The following CNIH3 variants were observed in gnomAD, a reference collection of about 807,000 sequenced individuals.
The protein encoded by CNIH3 is protein cornichon homolog 3.
CNIH3 carries 14 observed loss-of-function variants against 24.1 expected under a neutral mutation model. The ratio of observed to expected loss-of-function variants is 0.58; its 90% confidence interval spans 0.38 to 0.91. The LOEUF (loss-of-function observed/expected upper bound fraction) is 0.91, where lower values mean the gene tolerates loss of function less well. Among genes scored for constraint, CNIH3 ranks in the 40% least tolerant of loss-of-function variants. The pLI is 0.00. For synonymous variants in CNIH3, 68 were observed against 73.8 expected, an observed-to-expected ratio of 0.92 and a Z score of 0.40; for missense variants, 178 against 196.8, an observed-to-expected ratio of 0.90 and a Z score of 0.57.
chr1:224,538,209 A>G (rs1287983919), downstream of CNIH3, among the ~76,000 whole-genome samples: 1 of 152,116 alleles, frequency 6.6e-6, no homozygotes, highest in African/African-American at 2.4e-5. Flanking sequence ...TCAGCCTCCC[A>G]AAGTGCTAGG....
intron 1 of CNIH3, among the ~76,000 whole-genome samples, chr1:224,473,595 G>A (rs1676453344): frequency 6.6e-6 from 1 of 152,084 alleles, no homozygotes; most frequent in African/African-American, 2.4e-5. Flanking sequence ...TCAGCAAGAG[G>A]ATATAACAAT....
chr1:224,439,491 G>C (rs1674801840), intron 1 of CNIH3, among the ~76,000 whole-genome samples: 1 of 151,702 alleles, frequency 6.6e-6, no homozygotes, highest in African/African-American at 2.4e-5. Flanking sequence ...ACACAGCTGG[G>C]ATTAGACTGC....
chr1:224,542,542 A>G (rs1326394860), downstream of CNIH3, among the ~76,000 whole-genome samples: 1 of 152,214 alleles, frequency 6.6e-6, no homozygotes, highest in Non-Finnish European at 1.5e-5. Flanking sequence ...GTAGAAAGAG[A>G]AAGAGTGTAT....
chr1:224,632,452 T>C (rs1298524104), intron 1 of CNIH3, among the ~76,000 whole-genome samples: 1 of 152,106 alleles, frequency 6.6e-6, no homozygotes, highest in Non-Finnish European at 1.5e-5. Context: ...CAGAATCTCA[T>C]TGTTATTGTC....
intron 3 of CNIH3, among the ~76,000 whole-genome samples, chr1:224,562,897 GA>G (rs1249041778): frequency 1.3e-5 from 2 of 152,160 alleles, no homozygotes; most frequent in African/African-American, 4.8e-5. Flanking sequence ...CTGATTAAAA[GA>G]TAACACAAAG....
At chr1:224,488,794 A>ATG (rs34856782) in intron 1 of CNIH3, among the ~76,000 whole-genome samples, 126,200 of 151,906 alleles carry the variant, frequency 0.83, 52,832 homozygotes, top group East Asian at 0.97. Flanking sequence ...TAAATTTTAG[A>ATG]TGTGTTTTTC....
At chr1:224,524,876 A>G (rs1441139971) in intron 2 of CNIH3, among the ~76,000 whole-genome samples, 1 of 152,202 alleles carries the variant, frequency 6.6e-6, no homozygotes, top group Non-Finnish European at 1.5e-5. Context: ...GACTCAGACC[A>G]GGAGCCCAAG....
chr1:224,720,585 GT>G lies in CNIH3; in HGVS notation c.199-9876del, dbSNP rs1688669691. The stretch of plus-strand genomic sequence containing the variant: ...GGAGAGGAGGGCGGAGCTCTCAGCT[GT>G]GCTAAATTCCCATCGAGCTCTAGGC... On this transcript the variant is annotated intron_variant, in intron 3 of 5. Coordinates refer to ENST00000272133, the MANE Select transcript of CNIH3 (RefSeq NM_152495.2). 2.0e-5 allele frequency among the ~76,000 whole-genome samples: 3 copies of G among 152,164 alleles called. No homozygotes were observed. In the South Asian group the frequency reaches 6.2e-4, roughly 31 times the overall value.
At chr1:224,539,600 C>G (rs1679433497), downstream of CNIH3, among the ~76,000 whole-genome samples, 1 of 152,130 alleles carries the variant, frequency 6.6e-6, no homozygotes, top group Non-Finnish European at 1.5e-5. Context: ...GGATTCAGTC[C>G]CAACCTACCC....
intron 1 of CNIH3, among the ~76,000 whole-genome samples, chr1:224,490,789 A>G (rs962080713): frequency 1.9e-4 from 29 of 152,228 alleles, no homozygotes; most frequent in African/African-American, 5.8e-4. Context: ...TGAGCAATGA[A>G]TGATTTGCGA....
chr1:224,568,221 C>G (rs180693355), intron 4 of CNIH3, among the ~76,000 whole-genome samples: 1 of 151,808 alleles, frequency 6.6e-6, no homozygotes. Context: ...ACCAGGGAGT[C>G]GGAGGTTGCA....
intron 1 of CNIH3, among the ~76,000 whole-genome samples, chr1:224,493,800 A>G (rs1677327839): frequency 6.6e-6 from 1 of 152,084 alleles, no homozygotes; most frequent in African/African-American, 2.4e-5. Flanking sequence ...CAGGGGAGAG[A>G]GTGCGATTCC....
intron 1 of CNIH3, among the ~76,000 whole-genome samples, chr1:224,647,503 A>G (rs1379139127): frequency 6.6e-6 from 1 of 152,162 alleles, no homozygotes; most frequent in Non-Finnish European, 1.5e-5. Flanking sequence ...AGAAGCTGGG[A>G]CATCACTCAC....
At chr1:224,459,051 T>C (rs1675797511) in intron 1 of CNIH3, 1 of 223,380 alleles carries the variant, frequency 4.5e-6, no homozygotes, top group Admixed American at 6.5e-5. Flanking sequence ...CTAAATGCCA[T>C]CCCAGGATTG....
At chr1:224,722,942 G>A (rs1688809458) in intron 3 of CNIH3, among the ~76,000 whole-genome samples, 1 of 152,162 alleles carries the variant, frequency 6.6e-6, no homozygotes, top group South Asian at 2.1e-4. Flanking sequence ...TTTCCTCTTG[G>A]ATCAAAGCAG....
intron 1 of CNIH3, among the ~76,000 whole-genome samples, chr1:224,618,157 C>T (rs1683116520): frequency 6.6e-6 from 1 of 152,236 alleles, no homozygotes; most frequent in Non-Finnish European, 1.5e-5. Context: ...CGCCGGTCCT[C>T]TCAAAGACTG....
At chr1:224,661,219 G>T in intron 1 of CNIH3, 1 of 292,492 alleles carries the variant, frequency 3.4e-6, no homozygotes, top group South Asian at 4.6e-5. Context: ...TATCGTTAAG[G>T]ACTTTAACTG....
intron 5 of CNIH3, among the ~76,000 whole-genome samples, chr1:224,588,154 C>G (rs1364927280): frequency 2.0e-5 from 3 of 152,006 alleles, no homozygotes; most frequent in Non-Finnish European, 2.9e-5. Flanking sequence ...CTGTCAGCCT[C>G]TTGTGGGTAG....
intron 1 of CNIH3, among the ~76,000 whole-genome samples, chr1:224,448,836 G>A (rs181997552): frequency 6.6e-6 from 1 of 152,240 alleles, no homozygotes; most frequent in African/African-American, 2.4e-5. Context: ...AGCCAACTCA[G>A]ATTCAGTCAC....
Sources: allele counts gnomAD v4.1 joint callset (sites outside exome capture counted in the v4.1 genomes callset), GRCh38; gene constraint gnomAD v4.1.1; transcripts MANE v1.5; gene names NCBI Gene and HGNC (gene_info 2026-07-23, HGNC 2026-07-21).